Variants in GALNT17 observed in about 807,000 individuals in gnomAD.
The protein encoded by GALNT17 is polypeptide N-acetylgalactosaminyltransferase 17, also known as UDP-GalNAc:polypeptide N-acetylgalactosaminyltransferase-like 3.
A neutral mutation model predicts 63.7 loss-of-function variants in GALNT17; 29 were observed. That is an observed-to-expected ratio of 0.46 (90% CI 0.34 to 0.62). GALNT17 has a LOEUF of 0.62. Among genes scored for constraint, GALNT17 ranks in the 20% least tolerant of loss-of-function variants. GALNT17 has a pLI of 0.01. For missense variants in GALNT17, 603 were observed against 799.6 expected (o/e 0.75, Z 2.97); for synonymous variants, 305 against 318.3 (o/e 0.96, Z 0.45).
At chr7:71,477,061 A>G (rs1787735030) in intron 5 of GALNT17, among the ~76,000 whole-genome samples, 1 of 152,164 alleles carries the variant, frequency 6.6e-6, no homozygotes, top group Non-Finnish European at 1.5e-5. Context: ...GCTGACAGAA[A>G]TATATAAAGT....
At chr7:71,446,781 T>C (rs1420010979) in intron 5 of GALNT17, among the ~76,000 whole-genome samples, 1 of 152,252 alleles carries the variant, frequency 6.6e-6, no homozygotes, top group Non-Finnish European at 1.5e-5. Flanking sequence ...ACTCCTGACC[T>C]CAAGTGATCT....
chr7:71,584,285 G>T (rs1181542365), intron 6 of GALNT17, among the ~76,000 whole-genome samples: 1 of 152,164 alleles, frequency 6.6e-6, no homozygotes, highest in Admixed American at 6.5e-5. Context: ...ACTGGAAAAT[G>T]AAGAATTCAG....
chr7:71,411,275 C>A (rs1793425258), intron 3 of GALNT17, among the ~76,000 whole-genome samples: 2 of 152,116 alleles, frequency 1.3e-5, no homozygotes. Flanking sequence ...CATGTGCCAC[C>A]ACGCCTGGCT....
intron 2 of GALNT17, among the ~76,000 whole-genome samples, chr7:71,339,967 A>C (rs1364406951): frequency 6.6e-6 from 1 of 152,196 alleles, no homozygotes; most frequent in East Asian, 1.9e-4. Flanking sequence ...CAGGGAAGAG[A>C]GACATGTACA....
intron 1 of GALNT17, among the ~76,000 whole-genome samples, chr7:71,320,750 A>T (rs1562999974): frequency 9.9e-5 from 15 of 152,118 alleles, no homozygotes; most frequent in Admixed American, 9.8e-4. Context: ...GATACTGATG[A>T]TTTTGAAGAG....
intron 5 of GALNT17, among the ~76,000 whole-genome samples, chr7:71,543,876 T>C (rs567273127): frequency 6.6e-6 from 1 of 151,642 alleles, no homozygotes; most frequent in East Asian, 2.0e-4. Flanking sequence ...CACTGCAGCC[T>C]CTGCCTCACA....
intron 6 of GALNT17, among the ~76,000 whole-genome samples, chr7:71,635,372 TATC>T (rs1790514494): frequency 6.6e-6 from 1 of 152,188 alleles, no homozygotes; most frequent in African/African-American, 2.4e-5. Flanking sequence ...GCTGGAGAGA[TATC>T]ATGAGGCCTG....
At chr7:71,337,323 T>C (rs537195319) in intron 2 of GALNT17, among the ~76,000 whole-genome samples, 1 of 152,318 alleles carries the variant, frequency 6.6e-6, no homozygotes, top group South Asian at 2.1e-4. Context: ...ATTTTTTCAC[T>C]CATATCTTTA....
At chr7:71,639,734 A>G (rs555067819) in intron 6 of GALNT17, among the ~76,000 whole-genome samples, 2 of 152,364 alleles carry the variant, frequency 1.3e-5, no homozygotes, top group South Asian at 4.1e-4. Flanking sequence ...GTATATATTG[A>G]AAAGCTAAAA....
chr7:71,397,502 C>A (rs1299730644), intron 3 of GALNT17, among the ~76,000 whole-genome samples: 1 of 152,024 alleles, frequency 6.6e-6, no homozygotes, highest in Non-Finnish European at 1.5e-5. Flanking sequence ...GTAGTCAGAA[C>A]ATCCAATTAT....
chr7:71,441,034 T>G (rs889588546), intron 5 of GALNT17, among the ~76,000 whole-genome samples: 2 of 152,028 alleles, frequency 1.3e-5, no homozygotes, highest in African/African-American at 4.8e-5. Flanking sequence ...TTTTTTGGTT[T>G]TTTTTTGGAG....
intron 1 of GALNT17, among the ~76,000 whole-genome samples, chr7:71,303,639 C>T (rs1015541111): frequency 1.3e-5 from 2 of 152,244 alleles, no homozygotes; most frequent in South Asian, 2.1e-4. Flanking sequence ...ATACTCAGCA[C>T]GTCGACCTGT....
At chr7:71,478,734 A>G (rs976081635) in intron 5 of GALNT17, among the ~76,000 whole-genome samples, 1 of 152,188 alleles carries the variant, frequency 6.6e-6, no homozygotes, top group African/African-American at 2.4e-5. Flanking sequence ...GGCTTCACAG[A>G]CAAAGGTCTG....
At chr7:71,677,359 C>T (rs1791168452) in intron 9 of GALNT17, 53 bp downstream of exon 9, 1 of 1,548,504 alleles carries the variant, frequency 6.5e-7, no homozygotes, top group African/African-American at 1.4e-5. Context: ...CTCCGACCCA[C>T]AGAGGCCTTG....
intron 6 of GALNT17, among the ~76,000 whole-genome samples, chr7:71,574,632 G>A (rs999036966): frequency 2.6e-5 from 4 of 152,168 alleles, no homozygotes; most frequent in Non-Finnish European, 5.9e-5. Context: ...AGTCTACACA[G>A]AATTCTCTGG....
intron 5 of GALNT17, among the ~76,000 whole-genome samples, chr7:71,496,792 G>A (rs1480815704): frequency 6.6e-6 from 1 of 152,164 alleles, no homozygotes; most frequent in Admixed American, 6.6e-5. Context: ...GGGGTGGGGA[G>A]CGGGGGGCGG....
intron 5 of GALNT17, among the ~76,000 whole-genome samples, chr7:71,499,564 C>T (rs77128456): frequency 0.023 from 3,441 of 152,186 alleles, 140 homozygotes; most frequent in African/African-American, 0.079. Flanking sequence ...ATTAATGATA[C>T]GATTGTTTTA....
chr7:71,619,086 C>A (rs1710371362), intron 6 of GALNT17, among the ~76,000 whole-genome samples: 1 of 152,156 alleles, frequency 6.6e-6, no homozygotes, highest in Non-Finnish European at 1.5e-5. Flanking sequence ...CTCATTGCTT[C>A]TTTTTGGCAG....
intron 5 of GALNT17, among the ~76,000 whole-genome samples, chr7:71,484,461 C>T (rs1445562896): frequency 6.6e-6 from 1 of 152,126 alleles, no homozygotes; most frequent in Non-Finnish European, 1.5e-5. Context: ...GCACTCCAGT[C>T]TGGGTGACAG....
Sources: allele counts gnomAD v4.1 joint callset (sites outside exome capture counted in the v4.1 genomes callset), GRCh38; gene constraint gnomAD v4.1.1; transcripts MANE v1.5; gene names NCBI Gene and HGNC (gene_info 2026-07-23, HGNC 2026-07-21).